Variants in TNS1 observed in about 807,000 individuals in gnomAD.
TNS1 encodes the protein tensin-1.
Under a neutral mutation model 168.6 loss-of-function variants are expected in TNS1, and 62 were observed. The ratio of observed to expected loss-of-function variants is 0.37; its 90% CI spans 0.30 to 0.45. The LOEUF is 0.45. TNS1 is among the 20% of genes least tolerant of loss of function. TNS1 has a pLI of 1.00. For missense variants in TNS1, 2,240 were observed against 2,339.4 expected (o/e 0.96, Z 0.88); for synonymous variants, 934 against 933.2 (o/e 1.00, Z -0.02).
At chr2:217,883,130 C>T (rs2125658529) in intron 16 of TNS1, among the ~76,000 whole-genome samples, 1 of 152,174 alleles carries the variant, frequency 6.6e-6, no homozygotes, top group East Asian at 1.9e-4. Context: ...ATGGATTGAC[C>T]ACTATTAATA....
upstream of TNS1, among the ~76,000 whole-genome samples, chr2:218,007,253 C>A (rs933134094): frequency 1.3e-5 from 2 of 152,178 alleles, no homozygotes; most frequent in African/African-American, 4.8e-5. Context: ...TATTCTCCCC[C>A]TTCCCCAGGA....
intron 27 of TNS1, 46 bp from the exon 28 acceptor site, chr2:217,812,491 C>T (rs1941113216): frequency 6.5e-7 from 1 of 1,546,634 alleles, no homozygotes; most frequent in Non-Finnish European, 8.9e-7. Flanking sequence ...TACTGGAAGC[C>T]AGAAGGGAAA....
intron 24 of TNS1, among the ~76,000 whole-genome samples, chr2:217,817,409 A>T (rs1308132280): frequency 6.6e-6 from 1 of 152,240 alleles, no homozygotes; most frequent in Non-Finnish European, 1.5e-5. Context: ...GGTAATGGCT[A>T]TGAGGACGAT....
chr2:218,003,506 C>G (rs1360423176), upstream of TNS1, among the ~76,000 whole-genome samples: 1 of 151,412 alleles, frequency 6.6e-6, no homozygotes, highest in East Asian at 2.0e-4. Flanking sequence ...GACTCTGGTG[C>G]CCACGCGCCA....
intron 7 of TNS1, 61 bp downstream of exon 7, chr2:217,900,402 G>A (rs1484165391): frequency 6.6e-7 from 1 of 1,516,516 alleles, no homozygotes; most frequent in Non-Finnish European, 8.8e-7. Context: ...ACTTAACAGG[G>A]ACACCCACAG....
chr2:217,821,086 T>C (rs1187787521), intron 23 of TNS1, among the ~76,000 whole-genome samples: 1 of 152,176 alleles, frequency 6.6e-6, no homozygotes, highest in Non-Finnish European at 1.5e-5. Flanking sequence ...CCTCGCTGCA[T>C]CCCTAGCCAG....
chr2:217,805,487 C>CCACACACA (rs1938453037), intron 32 of TNS1, among the ~76,000 whole-genome samples: 1 of 4,664 alleles, frequency 2.1e-4, no homozygotes, highest in Non-Finnish European at 5.0e-4. Context: ...ACACACACCA[C>CCACACACA]ACACACACCA....
chr2:217,894,818 C>T (rs898936722), intron 9 of TNS1, among the ~76,000 whole-genome samples, 188 bp downstream of exon 9: 4 of 152,146 alleles, frequency 2.6e-5, no homozygotes, highest in African/African-American at 9.7e-5. Context: ...AGTCACTGCC[C>T]CAAGCTTTGC....
intron 18 of TNS1, among the ~76,000 whole-genome samples, chr2:217,870,869 C>T (rs1475115534): frequency 6.6e-6 from 1 of 152,204 alleles, no homozygotes; most frequent in Non-Finnish European, 1.5e-5. Context: ...GAGAACAGTG[C>T]AAGCAGGTGG....
chr2:217,899,590 C>T (rs1952710373), intron 7 of TNS1, among the ~76,000 whole-genome samples: 1 of 152,210 alleles, frequency 6.6e-6, no homozygotes, highest in Admixed American at 6.5e-5. Flanking sequence ...ATTTCAGCCT[C>T]TCCCTCAGCA....
rs139586436 is a variant in TNS1 at position 217,877,148 on chromosome 2, C to G, written c.1429+3750G>C. Among the ~76,000 whole-genome samples the G allele has an allele frequency of 3.2e-3, 494 of 152,118 alleles. 6 individuals carry two copies. Among genetic ancestry groups the G allele is most frequent in the African/African-American group, 0.011 (468 of 41,476 alleles). ...CGCCCCCCTCCTCCTGGCCCAGGAG[C>G]AGGTGAGCCCAAAGTCTCCACCACA... On this transcript the variant is annotated intron_variant, in intron 18 of 32. Transcript: ENST00000682258.
intron 11 of TNS1, among the ~76,000 whole-genome samples, 158 bp from the exon 12 acceptor site, chr2:217,891,203 G>A (rs956543885): frequency 2.0e-5 from 3 of 152,166 alleles, no homozygotes; most frequent in African/African-American, 4.8e-5. Context: ...ATCCTGTGCC[G>A]AGAAGCTTTC....
intron 3 of TNS1, among the ~76,000 whole-genome samples, chr2:217,934,198 A>G (rs58274850): frequency 0.022 from 3,365 of 152,280 alleles, 132 homozygotes; most frequent in African/African-American, 0.075. Flanking sequence ...AAGCCAAGTC[A>G]CCTGGATGCT....
intron 4 of TNS1, among the ~76,000 whole-genome samples, chr2:217,917,164 T>C (rs1379374796): frequency 1.3e-5 from 2 of 151,962 alleles, no homozygotes; most frequent in East Asian, 3.9e-4. Context: ...GCTGCCACCT[T>C]CCCCCATGGC....
At chr2:218,003,070 C>T, upstream of TNS1, 2 of 396,044 alleles carry the variant, frequency 5.0e-6, no homozygotes, top group South Asian at 3.7e-5. Context: ...CCCCTCGTCC[C>T]AGCCTCCTCT....
At chr2:217,842,685 G>C (rs1015769766) in intron 19 of TNS1, among the ~76,000 whole-genome samples, 1 of 152,076 alleles carries the variant, frequency 6.6e-6, no homozygotes, top group Non-Finnish European at 1.5e-5. Context: ...CATGCCACAC[G>C]GAGTAAAAGC....
intron 1 of TNS1, among the ~76,000 whole-genome samples, chr2:218,001,248 G>A (rs762900035): frequency 1.2e-4 from 18 of 152,090 alleles, no homozygotes; most frequent in African/African-American, 4.8e-5. Context: ...TACTCTCAGG[G>A]AGGGTATAAC....
chr2:217,869,003 G>A (rs1367307841), intron 18 of TNS1, among the ~76,000 whole-genome samples: 1 of 152,200 alleles, frequency 6.6e-6, no homozygotes, highest in Non-Finnish European at 1.5e-5. Context: ...GATTTATAGG[G>A]GATGAATCAT....
At chr2:218,026,692 G>A (rs1438859781) in intron 1 of TNS1, among the ~76,000 whole-genome samples, 1 of 152,234 alleles carries the variant, frequency 6.6e-6, no homozygotes, top group Non-Finnish European at 1.5e-5. Context: ...CACCGCGTAT[G>A]TCAGGAGGCT....
Sources: gnomAD v4.1 joint callset for allele counts (sites outside exome capture counted in the v4.1 genomes callset) on GRCh38, gnomAD v4.1.1 for gene constraint, MANE v1.5 for transcripts, NCBI Gene and HGNC (gene_info 2026-07-23, HGNC 2026-07-21) for gene names.